CD247: variants seen among roughly 807,000 people sequenced by gnomAD.
CD247 encodes the protein T-cell surface glycoprotein CD3 zeta chain.
CD247 carries 13 observed loss-of-function variants against 30.0 expected under a neutral mutation model. The ratio of observed to expected loss-of-function variants is 0.43; its 90% CI spans 0.28 to 0.69. CD247 has a LOEUF of 0.69. Among genes scored for constraint, CD247 ranks in the 30% least tolerant of loss-of-function variants. The probability of loss-of-function intolerance (pLI) is 0.16; values close to 1 mark genes in which losing one functional copy is unlikely to be tolerated. For missense variants in CD247, 193 were observed against 212.6 expected, an observed-to-expected ratio of 0.91 and a Z score of 0.57; for synonymous variants, 72 against 80.0, an observed-to-expected ratio of 0.90 and a Z score of 0.53.
intron 1 of CD247, among the ~76,000 whole-genome samples, chr1:167,502,395 G>A (rs982844911): frequency 1.3e-5 from 2 of 152,174 alleles, no homozygotes; most frequent in South Asian, 4.1e-4. Context: ...CAGGATTTTT[G>A]CAAGGGACTT....
In CD247 at chr1:167,457,186, C is replaced by G. The variant is rs192736064; in HGVS notation, c.59-16419G>C. ...TCAGGCTGCATCCGCACATTCTCAG[C>G]GGTGCTTTTGCTCCTGGAATGGAGC... On this transcript the variant is annotated intron_variant, in intron 1 of 7. Coordinates refer to ENST00000362089, the MANE Select transcript of CD247 (RefSeq NM_198053.3). Among the ~76,000 whole-genome samples, 17 of 152,318 alleles carry G rather than the reference C, an allele frequency of 1.1e-4. No individual in the cohort carries two copies. In the East Asian group the frequency reaches 3.1e-3, roughly 28 times the overall value.
chr1:167,471,806 C>CTT (rs369666520), intron 1 of CD247, among the ~76,000 whole-genome samples: 1 of 120,284 alleles, frequency 8.3e-6, no homozygotes, highest in Non-Finnish European at 1.9e-5. Context: ...AAAGTGATTT[C>CTT]TTTTTTTTTT....
chr1:167,503,063 T>C lies in CD247; in HGVS notation c.58+15345A>G, dbSNP rs74121918. Among the ~76,000 whole-genome samples the C allele has an allele frequency of 8.8e-3, 1,336 of 152,300 alleles. 16 individuals are homozygous for C. The highest frequency in any genetic ancestry group is 0.027 in the Middle Eastern group (8 of 294). The stretch of plus-strand genomic sequence containing the variant: ...AGGCAGGTGAAGGAAGGAATCATTA[T>C]GAGGTTAGCTACTGTGGTTAACAAC... On this transcript the variant is annotated intron_variant, in intron 1 of 7. Coordinates refer to ENST00000362089, the MANE Select transcript of CD247 (RefSeq NM_198053.3).
Position 167,501,226 on chromosome 1 carries a change from A to AT in CD247, c.58+17181dup, listed in dbSNP as rs141428321. Among the ~76,000 whole-genome samples the AT allele has an allele frequency of 3.3e-3, 480 of 143,854 alleles. 2 individuals are homozygous for AT. The highest frequency in any genetic ancestry group is 3.5e-3 in the Middle Eastern group (1 of 284). The allele number at this position is 143,854 out of a possible 152,430, so 94.4% of individuals were successfully genotyped here. A position where few individuals can be genotyped will look rare whatever the true frequency, so the allele number is the denominator to read the frequency against. On this transcript the variant is annotated intron_variant, in intron 1 of 7. Transcript: ENST00000362089. ...TGCCACCACACCTGGCTAATTTTGT[A>AT]TTTTTTTTTTTCAGTAGAGACGGGG...
rs1478626073 is a variant in CD247 at position 167,502,213 on chromosome 1, T to C, written c.58+16195A>G. Among the ~76,000 whole-genome samples, 3 of 152,226 alleles carry C rather than the reference T, an allele frequency of 2.0e-5. No individual in the cohort carries two copies. The East Asian group carries it at 5.8e-4, about 29-fold the overall frequency. The stretch of plus-strand genomic sequence containing the variant: ...CTAATGGCAAAGCCCTGTGCATTTA[T>C]TGCATGTGAACGTGTCCTCAACACC... On this transcript the variant is annotated intron_variant, in intron 1 of 7. Transcript: ENST00000362089.
intron 1 of CD247, among the ~76,000 whole-genome samples, chr1:167,463,258 C>G (rs1653102757): frequency 6.6e-6 from 1 of 152,194 alleles, no homozygotes; most frequent in African/African-American, 2.4e-5. Context: ...GCCAGCAAGC[C>G]TTTCTTAGTC....
At chr1:167,432,438 A>G (rs1651316141) in intron 7 of CD247, among the ~76,000 whole-genome samples, 1 of 152,202 alleles carries the variant, frequency 6.6e-6, no homozygotes, top group African/African-American at 2.4e-5. Context: ...CAGAAGAACG[A>G]GCTATGAACA....
intron 1 of CD247, among the ~76,000 whole-genome samples, chr1:167,448,918 CTCAGTG>C (rs1652216949): frequency 6.6e-6 from 1 of 152,070 alleles, no homozygotes; most frequent in Non-Finnish European, 1.5e-5. Context: ...TAATTCTCTC[CTCAGTG>C]TCAGATTTCA....
At chr1:167,463,855 T>C (rs965038189) in intron 1 of CD247, among the ~76,000 whole-genome samples, 1 of 152,214 alleles carries the variant, frequency 6.6e-6, no homozygotes, top group Non-Finnish European at 1.5e-5. Context: ...GAGTACCGTG[T>C]CCTACGAATT....
intron 1 of CD247, among the ~76,000 whole-genome samples, chr1:167,454,760 C>T (rs1652552158): frequency 6.6e-6 from 1 of 152,222 alleles, no homozygotes; most frequent in Non-Finnish European, 1.5e-5. Flanking sequence ...AGTCCCACTG[C>T]AACTGTAAGC....
rs971538088 is a variant in CD247, at chr1:167,434,202, T to C, written c.337-126A>G. 3.6e-6 allele frequency: 3 copies of C among 841,446 alleles called. No homozygotes were observed. In the African/African-American group the frequency reaches 5.0e-5, roughly 14 times the overall value. The allele number at this position is 841,446 out of a possible 1,614,324, so 52.1% of individuals were successfully genotyped here. On this transcript the variant is annotated intron_variant, in intron 5 of 7. Transcript: ENST00000362089. ...TGGCAGACAGGGAGGGCTCCCACAA[T>C]CAAGGCTCCAAACCTTATGCACACA... is the stretch of plus-strand genomic sequence containing the variant.
At chr1:167,517,264 G>A (rs1447079285) in intron 1 of CD247, among the ~76,000 whole-genome samples, 2 of 152,204 alleles carry the variant, frequency 1.3e-5, no homozygotes, top group African/African-American at 4.8e-5. Flanking sequence ...CTGGCTCCCT[G>A]GTGGGAGCAG....
intron 1 of CD247, among the ~76,000 whole-genome samples, chr1:167,466,731 G>A (rs1653265127): frequency 6.6e-6 from 1 of 152,354 alleles, no homozygotes; most frequent in Non-Finnish European, 1.5e-5. Context: ...AAAGTCAAGT[G>A]AGTAAAGACC....
chr1:167,463,356 T>C (rs1251768452), intron 1 of CD247, among the ~76,000 whole-genome samples: 1 of 152,178 alleles, frequency 6.6e-6, no homozygotes, highest in Non-Finnish European at 1.5e-5. Flanking sequence ...ATGCACCCAA[T>C]TAGCAGTGCT....
chr1:167,503,805 G>A (rs1267849653), intron 1 of CD247, among the ~76,000 whole-genome samples: 1 of 152,108 alleles, frequency 6.6e-6, no homozygotes, highest in Non-Finnish European at 1.5e-5. Flanking sequence ...GGAGGGGTAG[G>A]CTACCGGTTA....
chr1:167,463,852 G>A (rs1723017), intron 1 of CD247, among the ~76,000 whole-genome samples: 151,469 of 152,352 alleles, frequency 0.99, 75,305 homozygotes, highest in Middle Eastern at 1. Context: ...TGTGAGTACC[G>A]TGTCCTACGA....
intron 1 of CD247, among the ~76,000 whole-genome samples, chr1:167,462,630 T>C (rs1308556398): frequency 1.3e-5 from 2 of 152,178 alleles, no homozygotes; most frequent in Admixed American, 6.5e-5. Context: ...CGATCCCTGC[T>C]GGGAGAGGTG....
intron 1 of CD247, among the ~76,000 whole-genome samples, chr1:167,495,626 G>C (rs1237872232): frequency 6.6e-6 from 1 of 152,026 alleles, no homozygotes; most frequent in Non-Finnish European, 1.5e-5. Flanking sequence ...ATCTCACTTA[G>C]AGCAAAATGT....
At chr1:167,441,212 C>A (rs1338564932) in intron 1 of CD247, among the ~76,000 whole-genome samples, 1 of 152,222 alleles carries the variant, frequency 6.6e-6, no homozygotes, top group African/African-American at 2.4e-5. Context: ...GACAATAGGT[C>A]AAATGATGGT....
Sources: gnomAD v4.1 joint callset for allele counts (sites outside exome capture counted in the v4.1 genomes callset) on GRCh38, gnomAD v4.1.1 for gene constraint, MANE v1.5 for transcripts, NCBI Gene and HGNC (gene_info 2026-07-23, HGNC 2026-07-21) for gene names.